Variants in GALNT13 observed in about 807,000 individuals in gnomAD.
GALNT13 encodes the protein UDP-GalNAc:polypeptide N-acetylgalactosaminyltransferase 13.
A neutral mutation model predicts 64.2 loss-of-function variants in GALNT13; 28 were observed. That is an observed-to-expected ratio of 0.44 (90% CI 0.32 to 0.60). The LOEUF (loss-of-function observed/expected upper bound fraction) is 0.60, where lower values mean the gene tolerates loss of function less well. GALNT13 is among the 20% of genes least tolerant of loss of function. GALNT13 has a pLI of 0.05. For missense variants in GALNT13, 577 were observed against 669.8 expected (o/e 0.86, Z 1.53); for synonymous variants, 214 against 224.6 (o/e 0.95, Z 0.42).
chr2:154,281,831 C>T (rs1054627393), intron 8 of GALNT13, among the ~76,000 whole-genome samples: 1 of 151,960 alleles, frequency 6.6e-6, no homozygotes, highest in African/African-American at 2.4e-5. Flanking sequence ...ACTCTGCCCC[C>T]ACCAGCTGCT....
At chr2:153,294,232 T>C in the GALNT13 span, among the ~76,000 whole-genome samples, 8 of 152,050 alleles carry the variant, frequency 5.3e-5, no homozygotes, top group Admixed American at 2.6e-4. Flanking sequence ...GAGTGGCAAG[T>C]GTGGGGGATG....
chr2:153,664,526 C>A, the GALNT13 span, among the ~76,000 whole-genome samples: 2 of 152,076 alleles, frequency 1.3e-5, no homozygotes, highest in Non-Finnish European at 2.9e-5. Flanking sequence ...GGTCCTGGGG[C>A]AACATACATC....
At chr2:154,258,983 CA>C in intron 7 of GALNT13, 37 bp from the exon 8 acceptor site, 1 of 1,079,300 alleles carries the variant, frequency 9.3e-7, no homozygotes, top group Non-Finnish European at 1.4e-6. Flanking sequence ...ACATTGTTTT[CA>C]AAAGATATTC....
At chr2:153,227,572 A>T in the GALNT13 span, among the ~76,000 whole-genome samples, 19 of 152,296 alleles carry the variant, frequency 1.2e-4, no homozygotes, top group Middle Eastern at 3.4e-3. Flanking sequence ...CTATTTTTTT[A>T]AAAATTTTCT....
At chr2:153,445,060 A>C in the GALNT13 span, among the ~76,000 whole-genome samples, 3 of 152,200 alleles carry the variant, frequency 2.0e-5, no homozygotes, top group East Asian at 5.8e-4. Context: ...AGCAATTGAC[A>C]GTGTCAATCA....
At chr2:154,209,373 T>C (rs1687645244) in intron 4 of GALNT13, among the ~76,000 whole-genome samples, 1 of 152,130 alleles carries the variant, frequency 6.6e-6, no homozygotes, top group African/African-American at 2.4e-5. Context: ...TGCAAATAAA[T>C]ACAAACTTTT....
At chr2:153,495,110 T>G in the GALNT13 span, among the ~76,000 whole-genome samples, 1 of 152,178 alleles carries the variant, frequency 6.6e-6, no homozygotes, top group Non-Finnish European at 1.5e-5. Context: ...TTTTTTTCCC[T>G]TTTATTACAA....
chr2:153,810,772 T>C, the GALNT13 span, among the ~76,000 whole-genome samples: 591 of 152,312 alleles, frequency 3.9e-3, 3 homozygotes, highest in Middle Eastern at 6.8e-3. Context: ...GCTATATACA[T>C]TTTTGTGGAT....
intron 11 of GALNT13, among the ~76,000 whole-genome samples, chr2:154,421,028 C>T (rs924022176): frequency 6.6e-6 from 1 of 151,914 alleles, no homozygotes; most frequent in Non-Finnish European, 1.5e-5. Flanking sequence ...AATATGAAAA[C>T]TTATTTTTTC....
the GALNT13 span, among the ~76,000 whole-genome samples, chr2:153,162,363 C>T: frequency 2.0e-5 from 3 of 151,972 alleles, no homozygotes; most frequent in Admixed American, 2.0e-4. Flanking sequence ...CATTTTAATC[C>T]TTTGCTTTTA....
At chr2:153,784,409 G>A in the GALNT13 span, among the ~76,000 whole-genome samples, 8 of 152,152 alleles carry the variant, frequency 5.3e-5, no homozygotes, top group African/African-American at 7.2e-5. Context: ...ACTTCTAAGC[G>A]GCAAAGCATT....
intron 2 of GALNT13, among the ~76,000 whole-genome samples, chr2:153,935,039 C>G (rs748864614): frequency 1.3e-5 from 2 of 152,128 alleles, no homozygotes; most frequent in Non-Finnish European, 2.9e-5. Flanking sequence ...TAGTTTTTCT[C>G]ATACAGCATT....
At chr2:153,436,767 A>C in the GALNT13 span, among the ~76,000 whole-genome samples, 1 of 152,112 alleles carries the variant, frequency 6.6e-6, no homozygotes, top group African/African-American at 2.4e-5. Context: ...TGATCTTTTC[A>C]AAAAACCAGC....
the GALNT13 span, among the ~76,000 whole-genome samples, chr2:153,585,387 A>G: frequency 6.6e-6 from 1 of 152,200 alleles, no homozygotes; most frequent in African/African-American, 2.4e-5. Flanking sequence ...AAAGTAAAGC[A>G]AACATAAAAA....
the GALNT13 span, among the ~76,000 whole-genome samples, chr2:153,280,214 T>C: frequency 6.6e-6 from 1 of 152,184 alleles, no homozygotes; most frequent in Admixed American, 6.5e-5. Context: ...GGTTGTAATA[T>C]CACCTTTGCT....
intron 11 of GALNT13, among the ~76,000 whole-genome samples, chr2:154,409,921 A>G (rs1699720380): frequency 2.0e-5 from 3 of 151,940 alleles, no homozygotes; most frequent in Admixed American, 2.0e-4. Flanking sequence ...TTCTTGTACT[A>G]TAAAGAAGAA....
chr2:153,785,971 A>T, the GALNT13 span, among the ~76,000 whole-genome samples: 1 of 151,232 alleles, frequency 6.6e-6, no homozygotes, highest in East Asian at 2.0e-4. Context: ...AGACCCAACA[A>T]GCTCCCCAAC....
chr2:154,420,370 A>G (rs940236974), intron 11 of GALNT13, among the ~76,000 whole-genome samples: 2 of 152,080 alleles, frequency 1.3e-5, no homozygotes, highest in African/African-American at 2.4e-5. Context: ...CCATTAAACT[A>G]GATATTTATT....
chr2:153,823,269 C>T, the GALNT13 span, among the ~76,000 whole-genome samples: 1 of 152,032 alleles, frequency 6.6e-6, no homozygotes, highest in African/African-American at 2.4e-5. Flanking sequence ...AAATAGAAAA[C>T]ATATTCAAAA....
Sources: gnomAD v4.1 joint callset for allele counts (sites outside exome capture counted in the v4.1 genomes callset) on GRCh38, gnomAD v4.1.1 for gene constraint, MANE v1.5 for transcripts, NCBI Gene and HGNC (gene_info 2026-07-23, HGNC 2026-07-21) for gene names.